GABRR2: variants seen among roughly 807,000 people sequenced by gnomAD.
The protein encoded by GABRR2 is gamma-aminobutyric acid receptor subunit rho-2.
GABRR2 carries 36 observed loss-of-function variants against 47.0 expected under a neutral mutation model. The ratio of observed to expected loss-of-function variants is 0.77; its 90% CI spans 0.59 to 1.01. The LOEUF is 1.01. Among genes scored for constraint, GABRR2 ranks in the 50% least tolerant of loss-of-function variants. GABRR2 has a pLI of 0.00. For missense variants in GABRR2, 587 were observed against 594.6 expected (o/e 0.99, Z 0.13); for synonymous variants, 204 against 227.5 (o/e 0.90, Z 0.93).
At position 89,255,766 on chromosome 6, in the gene GABRR2, T is replaced by C. The variant is rs914493638; in HGVS notation, c.*1904A>G. ...CATGCGTCCGCTCAAGCTGGTCTCT[T>C]GGCTGGTAGAGCTTCCTGGTCTTTA... On this transcript the variant is annotated 3_prime_UTR_variant, in exon 9 of 9. Transcript: ENST00000402938. Among the ~76,000 whole-genome samples, 1 of 152,164 alleles carries C rather than the reference T, an allele frequency of 6.6e-6. No individual in the cohort carries two copies.
rs1562379427 is a variant in GABRR2 at position 89,292,745 on chromosome 6, CGT to C, written c.220+7012_220+7013del. Among the ~76,000 whole-genome samples, 382 of 96,416 alleles carry C rather than the reference CGT, an allele frequency of 4.0e-3. 105 individuals are homozygous for C. Among genetic ancestry groups the C allele is most frequent in the Non-Finnish European group, 5.1e-3 (255 of 50,024 alleles). The allele number at this position is 96,416 out of a possible 152,430, so 63.3% of individuals were successfully genotyped here. On this transcript the variant is annotated intron_variant, in intron 2 of 8. Transcript: ENST00000402938. Reference sequence around the variant, plus strand: ...ATATATCGTATATATCATATATAATCGTATATATCGTATATACGATATATCGT... The same window carrying C: ...ATATATCGTATATATCATATATAATCATATATCGTATATACGATATATCGT...
At chr6:89,276,062 T>C (rs1468380044) in intron 2 of GABRR2, among the ~76,000 whole-genome samples, 1 of 147,798 alleles carries the variant, frequency 6.8e-6, no homozygotes, top group Non-Finnish European at 1.5e-5. Flanking sequence ...TAAATTATAA[T>C]ATAAAATATA....
chr6:89,289,911 G>A (rs1774406031), intron 2 of GABRR2, among the ~76,000 whole-genome samples: 1 of 152,146 alleles, frequency 6.6e-6, no homozygotes, highest in African/African-American at 2.4e-5. Flanking sequence ...AAGCAGAAGG[G>A]GAAGTGGGTG....
intron 1 of GABRR2, among the ~76,000 whole-genome samples, chr6:89,309,008 A>G (rs1478900205): frequency 6.6e-6 from 1 of 152,190 alleles, no homozygotes; most frequent in Non-Finnish European, 1.5e-5. Flanking sequence ...GGGTTGGAAT[A>G]GAGGGCTGTT....
At chr6:89,289,082 A>G (rs138339164) in intron 2 of GABRR2, among the ~76,000 whole-genome samples, 1 of 152,252 alleles carries the variant, frequency 6.6e-6, no homozygotes, top group Non-Finnish European at 1.5e-5. Flanking sequence ...GAGGAAAGAG[A>G]TTAAGCTGGG....
At chr6:89,309,033 G>A (rs1258865693) in intron 1 of GABRR2, among the ~76,000 whole-genome samples, 1 of 152,176 alleles carries the variant, frequency 6.6e-6, no homozygotes, top group Non-Finnish European at 1.5e-5. Context: ...TGAGGTGACT[G>A]GTGATTCTTC....
chr6:89,280,259 C>CAT (rs1774237084), intron 2 of GABRR2, among the ~76,000 whole-genome samples: 1 of 106,966 alleles, frequency 9.3e-6, no homozygotes, highest in Non-Finnish European at 2.0e-5. Context: ...TATATACATA[C>CAT]ATATACATAT....
At position 89,292,813 on chromosome 6, in the gene GABRR2, G is replaced by A. The variant is rs1219917522; in HGVS notation, c.220+6946C>T. ...GATATATCGTATATATCGTATATACGATATATCGTATATATCGTATATACG... is the reference window on the plus strand; with the variant it reads ...GATATATCGTATATATCGTATATACAATATATCGTATATATCGTATATACG... On this transcript the variant is annotated intron_variant, in intron 2 of 8. Transcript: ENST00000402938. 5.4e-3 allele frequency among the ~76,000 whole-genome samples: 64 copies of A among 11,934 alleles called. 10 individuals carry two copies. Among genetic ancestry groups the A allele is most frequent in the African/African-American group, 0.034 (61 of 1,798 alleles). 7.8% of individuals were successfully genotyped at this position (11,934 alleles called of 152,430 possible).
chr6:89,274,722 T>C (rs7766379), intron 2 of GABRR2, among the ~76,000 whole-genome samples: 8,455 of 151,922 alleles, frequency 0.056, 787 homozygotes, highest in African/African-American at 0.19. Flanking sequence ...CAAAAATTAG[T>C]TGGGCATGGT....
At chr6:89,258,686 A>G (rs1773667047) in intron 8 of GABRR2, among the ~76,000 whole-genome samples, 1 of 151,274 alleles carries the variant, frequency 6.6e-6, no homozygotes, top group Non-Finnish European at 1.5e-5. Flanking sequence ...ATGCCACTGC[A>G]TTCCAGCCTG....
At chr6:89,306,183 C>G (rs1482455740) in intron 1 of GABRR2, among the ~76,000 whole-genome samples, 1 of 150,744 alleles carries the variant, frequency 6.6e-6, no homozygotes, top group Non-Finnish European at 1.5e-5. Flanking sequence ...TTGAGACCAG[C>G]CTGGGCAACA....
chr6:89,293,622 C>T (rs1015004204), intron 2 of GABRR2, among the ~76,000 whole-genome samples: 3 of 152,162 alleles, frequency 2.0e-5, no homozygotes, highest in Non-Finnish European at 2.9e-5. Context: ...CCTGTCTCTA[C>T]ACAAAATATA....
chr6:89,265,487 A>G (rs901614814), intron 7 of GABRR2, 126 bp downstream of exon 7: 151 of 1,022,688 alleles, frequency 1.5e-4, no homozygotes, highest in Middle Eastern at 6.3e-4. Flanking sequence ...AGAAACATGA[A>G]GTTGCTCCTT....
intron 7 of GABRR2, among the ~76,000 whole-genome samples, chr6:89,265,165 A>G (rs929862728): frequency 6.6e-6 from 1 of 152,134 alleles, no homozygotes; most frequent in African/African-American, 2.4e-5. Context: ...CAGGGTCTGT[A>G]AAAGGCTAAA....
At chr6:89,275,530 T>G (rs1019272463) in intron 2 of GABRR2, among the ~76,000 whole-genome samples, 12 of 152,136 alleles carry the variant, frequency 7.9e-5, no homozygotes, top group African/African-American at 2.9e-4. Context: ...CGCCTCAGCC[T>G]CCCAAAGTGC....
At chr6:89,315,016 C>T in intron 1 of GABRR2, 37 bp downstream of exon 1, 1 of 1,581,126 alleles carries the variant, frequency 6.3e-7, no homozygotes, top group South Asian at 1.1e-5. Flanking sequence ...TGCTACTATG[C>T]AGGGTAACCT....
At chr6:89,298,324 G>C (rs753704683) in intron 2 of GABRR2, among the ~76,000 whole-genome samples, 2 of 152,198 alleles carry the variant, frequency 1.3e-5, no homozygotes, top group Non-Finnish European at 1.5e-5. Flanking sequence ...CAAGAGGAAG[G>C]TCTGGCAGCT....
chr6:89,271,117 A>G (rs539059557), intron 3 of GABRR2, among the ~76,000 whole-genome samples: 8 of 152,214 alleles, frequency 5.3e-5, no homozygotes, highest in African/African-American at 1.9e-4. Context: ...GCAAACTGAA[A>G]GAGAGGCATA....
intron 2 of GABRR2, among the ~76,000 whole-genome samples, chr6:89,294,382 G>A (rs1431450057): frequency 6.6e-6 from 1 of 152,160 alleles, no homozygotes; most frequent in Non-Finnish European, 1.5e-5. Flanking sequence ...CTAGCCTCAA[G>A]TAATCCACCC....
Sources: gnomAD v4.1 joint callset for allele counts (sites outside exome capture counted in the v4.1 genomes callset) on GRCh38, gnomAD v4.1.1 for gene constraint, MANE v1.5 for transcripts, NCBI Gene and HGNC (gene_info 2026-07-23, HGNC 2026-07-21) for gene names.